LRRC40: variants seen among roughly 807,000 people sequenced by gnomAD.
LRRC40 encodes leucine-rich repeat-containing protein 40.
In LRRC40, 76 loss-of-function variants were observed where a neutral mutation model predicts 72.8. The observed-to-expected ratio is 1.04, with a 90% confidence interval of 0.87 to 1.26. The LOEUF (loss-of-function observed/expected upper bound fraction) is 1.26. Among genes scored for constraint, LRRC40 ranks in the 50% most tolerant of loss-of-function variants. The probability of loss-of-function intolerance (pLI) is 0.00; values close to 1 mark genes in which losing one functional copy is unlikely to be tolerated. For missense variants in LRRC40, 684 were observed against 698.9 expected (o/e 0.98, Z 0.24); for synonymous variants, 243 against 254.2 (o/e 0.96, Z 0.42).
chr1:70,157,975 G>A (rs1667675967), intron 10 of LRRC40, among the ~76,000 whole-genome samples: 1 of 151,394 alleles, frequency 6.6e-6, no homozygotes. Context: ...AGGATAGCGT[G>A]CAGCAGTTCC....
chr1:70,171,893 T>C (rs1668007645), intron 9 of LRRC40, among the ~76,000 whole-genome samples: 1 of 152,168 alleles, frequency 6.6e-6, no homozygotes, highest in Non-Finnish European at 1.5e-5. Context: ...CTGAAACCTG[T>C]ACAAGAATGT....
At chr1:70,158,056 C>T (rs865916662) in intron 10 of LRRC40, among the ~76,000 whole-genome samples, 17 of 137,846 alleles carry the variant, frequency 1.2e-4, no homozygotes, top group Admixed American at 4.1e-4. Context: ...GCCGAGATAA[C>T]GCCACTGTAC....
At chr1:70,177,082 C>A (rs1668123109) in intron 6 of LRRC40, among the ~76,000 whole-genome samples, 1 of 152,096 alleles carries the variant, frequency 6.6e-6, no homozygotes, top group Non-Finnish European at 1.5e-5. Context: ...TCGAGACCAG[C>A]CTGGCCAACA....
At chr1:70,192,598 A>AT (rs1668525472) in intron 1 of LRRC40, among the ~76,000 whole-genome samples, 2 of 152,176 alleles carry the variant, frequency 1.3e-5, no homozygotes, top group African/African-American at 4.8e-5. Context: ...GTTAAAGAAA[A>AT]TGTGGTACAT....
chr1:70,193,257 A>G (rs966413709), intron 1 of LRRC40, among the ~76,000 whole-genome samples: 43 of 151,988 alleles, frequency 2.8e-4, no homozygotes, highest in Non-Finnish European at 1.2e-4. Context: ...ACAGATGAAG[A>G]AAAAAAAGAA....
In LRRC40 at chr1:70,193,114, G is replaced by T. The variant is rs1558128004; in HGVS notation, c.152-3841C>A. 3.3e-5 allele frequency among the ~76,000 whole-genome samples: 5 copies of T among 151,566 alleles called. No homozygotes were observed. The East Asian group carries it at 9.7e-4, about 29-fold the overall frequency. ...TACAATCTTAGGAACCCAGAAAAAA[G>T]AATTAATTAAATCCAAAGAAAGCAG... On this transcript the variant is annotated intron_variant, in intron 1 of 14. Transcript: ENST00000370952.
At chr1:70,175,438 T>A (rs1029786649) in intron 7 of LRRC40, among the ~76,000 whole-genome samples, 1 of 152,156 alleles carries the variant, frequency 6.6e-6, no homozygotes, top group Non-Finnish European at 1.5e-5. Flanking sequence ...CTCAAATGAT[T>A]CTAAAACGTA....
chr1:70,170,739 T>A (rs1043043117), intron 9 of LRRC40, among the ~76,000 whole-genome samples: 5 of 152,046 alleles, frequency 3.3e-5, no homozygotes, highest in African/African-American at 1.2e-4. Context: ...TGGAAAAACA[T>A]TCCATGCTCA....
chr1:70,172,741 T>A lies in LRRC40; in HGVS notation c.1111+724A>T, dbSNP rs564924375. On this transcript the variant is annotated intron_variant, in intron 9 of 14. Transcript: ENST00000370952. ...AAAAAATAGCTAAACTACACAATTA[T>A]CTTACTCATTTAATATATGTTGACT... 2.0e-3 allele frequency among the ~76,000 whole-genome samples: 304 copies of A among 152,242 alleles called. 1 individual carries two copies. Among genetic ancestry groups the A allele is most frequent in the African/African-American group, 7.1e-3 (294 of 41,564 alleles).
At chr1:70,195,049 C>T (rs534648550) in intron 1 of LRRC40, among the ~76,000 whole-genome samples, 9 of 152,044 alleles carry the variant, frequency 5.9e-5, no homozygotes, top group South Asian at 2.1e-4. Context: ...CCTTGTGACA[C>T]ACTCAAAAAT....
At chr1:70,198,406 A>G (rs769104201) in intron 1 of LRRC40, among the ~76,000 whole-genome samples, 1 of 152,222 alleles carries the variant, frequency 6.6e-6, no homozygotes, top group Non-Finnish European at 1.5e-5. Flanking sequence ...AGTTTTAGAT[A>G]ATCATCCAAT....
chr1:70,171,752 A>G (rs1668004300), intron 9 of LRRC40, among the ~76,000 whole-genome samples: 1 of 152,152 alleles, frequency 6.6e-6, no homozygotes, highest in Admixed American at 6.6e-5. Context: ...GTGAGAATGT[A>G]AATTGGTGCA....
chr1:70,182,110 G>T (rs2100310836), intron 4 of LRRC40, among the ~76,000 whole-genome samples: 1 of 151,668 alleles, frequency 6.6e-6, no homozygotes, highest in East Asian at 1.9e-4. Flanking sequence ...TAAAAATACT[G>T]GATCAAATCT....
chr1:70,168,533 C>T (rs1204627255), intron 9 of LRRC40, among the ~76,000 whole-genome samples: 1 of 152,210 alleles, frequency 6.6e-6, no homozygotes, highest in African/African-American at 2.4e-5. Context: ...CTAATCTCTT[C>T]CCAAGGGAAC....
At chr1:70,187,478 A>C in intron 2 of LRRC40, 140 bp from the exon 3 acceptor site, 1 of 540,706 alleles carries the variant, frequency 1.8e-6, no homozygotes, top group South Asian at 2.5e-5. Context: ...ACTGTTCAAC[A>C]TACTTGTTCT....
At chr1:70,167,351 GGA>G (rs1264713478) in intron 9 of LRRC40, among the ~76,000 whole-genome samples, 1 of 152,036 alleles carries the variant, frequency 6.6e-6, no homozygotes, top group Non-Finnish European at 1.5e-5. Flanking sequence ...TCTGAGGTCA[GGA>G]GTTCAAGACC....
chr1:70,177,121 C>T (rs1159159207), intron 6 of LRRC40, among the ~76,000 whole-genome samples: 3 of 151,942 alleles, frequency 2.0e-5, no homozygotes, highest in African/African-American at 7.3e-5. Flanking sequence ...ATTAAATATA[C>T]AGAAATTAGC....
At chr1:70,163,062 C>T (rs1459809419) in intron 9 of LRRC40, among the ~76,000 whole-genome samples, 1 of 151,142 alleles carries the variant, frequency 6.6e-6, no homozygotes, top group Non-Finnish European at 1.5e-5. Context: ...GTCTGTATTC[C>T]TTTTTCCTTT....
In LRRC40 at chr1:70,150,542, T is replaced by G. The variant is rs147794246; in HGVS notation, c.1517+586A>C. 2.9e-4 allele frequency among the ~76,000 whole-genome samples: 44 copies of G among 152,348 alleles called. No individual in the cohort carries two copies. The East Asian group carries it at 8.1e-3, about 28-fold the overall frequency. On this transcript the variant is annotated intron_variant, in intron 13 of 14. Coordinates refer to ENST00000370952, the MANE Select transcript of LRRC40 (RefSeq NM_017768.5). ...TTAATTATCTGCAGTATCTTGATAG[T>G]GTTTGCAGAACAAAATCTAAGTTTC...
Sources: allele counts gnomAD v4.1 joint callset (sites outside exome capture counted in the v4.1 genomes callset), GRCh38; gene constraint gnomAD v4.1.1; transcripts MANE v1.5; gene names NCBI Gene and HGNC (gene_info 2026-07-23, HGNC 2026-07-21).